Variants in CDH4 observed in about 807,000 individuals in gnomAD.
The protein encoded by CDH4 is cadherin 4, also known as cadherin-4.
In CDH4, 33 loss-of-function variants were observed where a neutral mutation model predicts 86.0. That is an observed-to-expected ratio of 0.38 (90% CI 0.29 to 0.51). CDH4 has a LOEUF of 0.51. Ranked by LOEUF, CDH4 falls within the 20% of genes least tolerant of loss-of-function variation. The probability of loss-of-function intolerance (pLI) is 0.86; values close to 1 mark genes in which losing one functional copy is unlikely to be tolerated. For synonymous variants in CDH4, 555 were observed against 549.4 expected (o/e 1.01, Z -0.14); for missense variants, 1,114 against 1,307.4 (o/e 0.85, Z 2.28).
chr20:61,451,198 G>A (rs2085378373), intron 2 of CDH4, among the ~76,000 whole-genome samples: 1 of 148,974 alleles, frequency 6.7e-6, no homozygotes, highest in Non-Finnish European at 1.5e-5. Flanking sequence ...CTCTATGATA[G>A]AGAGCTGTGC....
In CDH4 at chr20:61,311,280, A is replaced by G. The variant is rs140841273; in HGVS notation, c.169+56343A>G. ...GGAGAAGTTCTTGTTGAACAGAAAA[A>G]AAAGTAATGAAATCAGAAAGGAAAA... On this transcript the variant is annotated intron_variant, in intron 2 of 15. Transcript: ENST00000614565. Among the ~76,000 whole-genome samples the G allele has an allele frequency of 3.3e-3, 510 of 152,354 alleles. 12 individuals carry two copies. Among genetic ancestry groups the G allele is most frequent in the Non-Finnish European group, 1.3e-3 (87 of 68,032 alleles).
intron 2 of CDH4, among the ~76,000 whole-genome samples, chr20:61,699,160 G>A (rs767334291): frequency 1.4e-4 from 21 of 152,240 alleles, no homozygotes; most frequent in Non-Finnish European, 2.5e-4. Flanking sequence ...GTGTGGTGGC[G>A]CACAGGCGCT....
chr20:61,651,562 C>T lies in CDH4; in HGVS notation c.170-92001C>T, dbSNP rs557436011. Among the ~76,000 whole-genome samples, 65 of 152,334 alleles carry T rather than the reference C, an allele frequency of 4.3e-4. 1 individual carries two copies. The highest frequency in any genetic ancestry group is 1.5e-3 in the African/African-American group (62 of 41,584). ...CTGAGCAGTGTGTGGGTTGGACTCA[C>T]ACCTGCACCGGGACTCTGGCTTCTC... On this transcript the variant is annotated intron_variant, in intron 2 of 15. Transcript: ENST00000614565.
At chr20:61,864,401 A>G (rs1480782576) in intron 6 of CDH4, among the ~76,000 whole-genome samples, 1 of 152,218 alleles carries the variant, frequency 6.6e-6, no homozygotes, top group African/African-American at 2.4e-5. Flanking sequence ...TTCCCTCCCC[A>G]TGCAGCCAGA....
chr20:61,757,495 G>A (rs1301308171), intron 3 of CDH4, among the ~76,000 whole-genome samples: 1 of 152,238 alleles, frequency 6.6e-6, no homozygotes, highest in African/African-American at 2.4e-5. Flanking sequence ...GGTGCCCAGG[G>A]CCCCAGGGGC....
chr20:61,270,643 C>T (rs972487187), intron 2 of CDH4, among the ~76,000 whole-genome samples: 2 of 152,068 alleles, frequency 1.3e-5, no homozygotes, highest in African/African-American at 4.8e-5. Flanking sequence ...GGCTGGTAAA[C>T]GTCAATTTTC....
intron 2 of CDH4, among the ~76,000 whole-genome samples, chr20:61,391,966 T>C (rs893587154): frequency 1.3e-5 from 2 of 151,804 alleles, no homozygotes; most frequent in African/African-American, 2.4e-5. Flanking sequence ...AGATGAGCAA[T>C]TGGGAGAAAG....
In CDH4 at chr20:61,939,944, C is replaced by CCAA. The variant is rs1295102164; in HGVS notation, c.*3003_*3005dup. ...TGCCACCAACGTGTCAGAGCAATGT[C>CCAA]CAACTGTCAGGCTCTCAGAGATGCC... On this transcript the variant is annotated 3_prime_UTR_variant, in exon 16 of 16. Transcript: ENST00000614565. 6.6e-6 allele frequency: 1 copy of CCAA among 152,260 alleles called. No individual in the cohort carries two copies. The highest frequency in any genetic ancestry group is 2.4e-5 in the African/African-American group (1 of 41,460). The allele number at this position is 152,260 out of a possible 1,614,324, so 9.4% of individuals were successfully genotyped here. A position where few individuals can be genotyped will look rare whatever the true frequency, so the allele number is the denominator to read the frequency against.
intron 2 of CDH4, among the ~76,000 whole-genome samples, chr20:61,564,773 G>T (rs2086251171): frequency 6.6e-6 from 1 of 152,210 alleles, no homozygotes. Context: ...GGATCGGGAA[G>T]GAATAGAAGG....
intron 2 of CDH4, among the ~76,000 whole-genome samples, chr20:61,321,619 G>A (rs1193073663): frequency 6.6e-6 from 1 of 152,164 alleles, no homozygotes; most frequent in Non-Finnish European, 1.5e-5. Context: ...GACGTGCGGT[G>A]AGCGGAGGAC....
intron 2 of CDH4, among the ~76,000 whole-genome samples, chr20:61,488,748 C>T (rs942508493): frequency 6.6e-6 from 1 of 152,132 alleles, no homozygotes; most frequent in East Asian, 1.9e-4. Flanking sequence ...ACTAAGCATG[C>T]TCCTGTCGGC....
intron 2 of CDH4, among the ~76,000 whole-genome samples, chr20:61,552,622 C>A (rs2086141386): frequency 1.3e-5 from 2 of 152,130 alleles, no homozygotes. Flanking sequence ...ATCACATGAA[C>A]ATGGGAGGTG....
intron 2 of CDH4, among the ~76,000 whole-genome samples, chr20:61,396,840 G>T (rs1327848866): frequency 6.6e-6 from 1 of 152,202 alleles, no homozygotes. Flanking sequence ...ATGCCCCAGG[G>T]CTCTAGTGGT....
intron 2 of CDH4, among the ~76,000 whole-genome samples, chr20:61,583,149 G>GC (rs1436502311): frequency 1.8e-5 from 1 of 56,462 alleles, no homozygotes; most frequent in African/African-American, 4.8e-5. Flanking sequence ...AGAGGGCTCT[G>GC]CGGAGGGACA....
chr20:61,596,489 G>A (rs572334932), intron 2 of CDH4, among the ~76,000 whole-genome samples: 41 of 152,344 alleles, frequency 2.7e-4, no homozygotes, highest in Middle Eastern at 6.8e-3. Flanking sequence ...GCAGGTGGAA[G>A]CAGCAAGTCT....
At chr20:61,477,427 C>T (rs747432246) in intron 2 of CDH4, among the ~76,000 whole-genome samples, 2 of 152,144 alleles carry the variant, frequency 1.3e-5, no homozygotes, top group Admixed American at 6.5e-5. Context: ...GACCTGTGCC[C>T]GTGTACAGGG....
In CDH4 at chr20:61,699,000, A is replaced by C. The variant is rs2145882277; in HGVS notation, c.170-44563A>C. On this transcript the variant is annotated intron_variant, in intron 2 of 15. Transcript: ENST00000614565. The stretch of plus-strand genomic sequence containing the variant: ...ATCCCGTTACAGATTCACCCACTTT[A>C]TGCTACACAAGAATGGCCGCTGGCA... Among the ~76,000 whole-genome samples the C allele has an allele frequency of 2.0e-5, 3 of 152,324 alleles. 1 individual carries two copies. The East Asian group carries it at 5.8e-4, about 29-fold the overall frequency.
At chr20:61,598,310 C>T (rs2145740646) in intron 2 of CDH4, among the ~76,000 whole-genome samples, 1 of 152,150 alleles carries the variant, frequency 6.6e-6, no homozygotes, top group African/African-American at 2.4e-5. Flanking sequence ...CCAACACCAG[C>T]CCCTGCCACC....
In CDH4 at chr20:61,472,985, C is replaced by T. The variant is rs997276775; in HGVS notation, c.169+218048C>T. Among the ~76,000 whole-genome samples the T allele has an allele frequency of 4.0e-5, 6 of 151,876 alleles. No homozygotes were observed. In the South Asian group the frequency reaches 8.4e-4, roughly 21 times the overall value. On this transcript the variant is annotated intron_variant, in intron 2 of 15. Coordinates refer to ENST00000614565, the MANE Select transcript of CDH4 (RefSeq NM_001794.5). ...ATGAAGTTGGTGGACTATACCCAAC[C>T]GGGTGTGGGTAGGCTGTACTCTGGT...
Sources: allele counts gnomAD v4.1 joint callset (sites outside exome capture counted in the v4.1 genomes callset), GRCh38; gene constraint gnomAD v4.1.1; transcripts MANE v1.5; gene names NCBI Gene and HGNC (gene_info 2026-07-23, HGNC 2026-07-21).